Variants in DNAH6 observed in about 807,000 individuals in gnomAD.
The protein encoded by DNAH6 is axonemal beta dynein heavy chain 6.
A neutral mutation model predicts 491.4 loss-of-function variants in DNAH6; 340 were observed. The ratio of observed to expected loss-of-function variants is 0.69; its 90% CI spans 0.63 to 0.76. The LOEUF (loss-of-function observed/expected upper bound fraction) is 0.76, where lower values mean the gene tolerates loss of function less well. DNAH6 is among the 30% of genes least tolerant of loss of function. The pLI is 0.00. For missense variants in DNAH6, 4,443 were observed against 4,972.2 expected (o/e 0.89, Z 3.20); for synonymous variants, 1,603 against 1,686.1 (o/e 0.95, Z 1.21).
intron 60 of DNAH6, among the ~76,000 whole-genome samples, chr2:84,724,886 C>A (rs1408708340): frequency 2.0e-5 from 3 of 152,240 alleles, no homozygotes; most frequent in Admixed American, 6.5e-5. Flanking sequence ...GTTGGTCAAT[C>A]AAATCACTAG....
Position 84,525,748 on chromosome 2 carries a change from T to G in DNAH6, c.399+10T>G, listed in dbSNP as rs1157551732. On this transcript the variant is annotated intron_variant, in intron 3 of 76. Coordinates refer to ENST00000389394, the MANE Select transcript of DNAH6 (RefSeq NM_001370.2). Reference sequence around the variant, plus strand: ...TGTGAAAAAAATGCAGGTATAATATTAAAATACTTAATTGATTCTTTTAAC... The same window carrying G: ...TGTGAAAAAAATGCAGGTATAATATGAAAATACTTAATTGATTCTTTTAAC... The G allele has an allele frequency of 6.6e-7, 1 of 1,519,144 alleles. No individual in the cohort carries two copies. The highest frequency in any genetic ancestry group is 8.9e-7 in the Non-Finnish European group (1 of 1,129,220). The allele number at this position is 1,519,144 out of a possible 1,614,324, so 94.1% of individuals were successfully genotyped here.
intron 64 of DNAH6, among the ~76,000 whole-genome samples, chr2:84,763,604 G>A (rs1260150627): frequency 6.6e-6 from 1 of 152,066 alleles, no homozygotes; most frequent in Non-Finnish European, 1.5e-5. Context: ...TCATGGAGTG[G>A]CTGGTCTGGC....
intron 63 of DNAH6, among the ~76,000 whole-genome samples, chr2:84,758,504 T>C (rs1281237085): frequency 6.6e-6 from 1 of 152,014 alleles, no homozygotes; most frequent in Non-Finnish European, 1.5e-5. Flanking sequence ...CCCTGATAAA[T>C]ATAGACTCAA....
rs1672845797 is a variant in DNAH6 at position 84,745,153 on chromosome 2, G to A, written c.10416G>A (p.Met3472Ile). 1 of 1,549,790 alleles carries A rather than the reference G, an allele frequency of 6.5e-7. No homozygotes were observed. The highest frequency in any genetic ancestry group is 8.7e-7 in the Non-Finnish European group (1 of 1,145,948). Residue 3472 changes from methionine (M) to isoleucine (I), a missense_variant, in exon 63 of 77, where the codon ATG becomes ATA. Around this residue, in one of 3 missense-constraint regions of DNAH6, gnomAD observed 1,463 missense variants for 1,656.6 expected, o/e 0.88. Coordinates refer to ENST00000389394, the MANE Select transcript of DNAH6 (RefSeq NM_001370.2). ...YSKMKHEDKHMRQEKEAAHQD... is the reference protein window; with the variant it reads ...YSKMKHEDKHIRQEKEAAHQD... ...AAATGAAACACGAAGATAAACACATGAGACAGGAAAAGGAGGCAGCACACC... is the reference window on the plus strand; with the variant it reads ...AAATGAAACACGAAGATAAACACATAAGACAGGAAAAGGAGGCAGCACACC...
chr2:84,777,583 T>C lies in DNAH6; in HGVS notation c.10704-3910T>C, dbSNP rs1676263306. The C allele has an allele frequency of 5.0e-6, 4 of 792,802 alleles. No homozygotes were observed. The Admixed American group carries it at 6.8e-5, about 14-fold the overall frequency. The allele number at this position is 792,802 out of a possible 1,614,324, so 49.1% of individuals were successfully genotyped here. ...GAACCTCTTTCCACTGTTACTTATCTGTATCAGTCCCTAAATCTGGGTGCA... is the reference window on the plus strand; with the variant it reads ...GAACCTCTTTCCACTGTTACTTATCCGTATCAGTCCCTAAATCTGGGTGCA... On this transcript the variant is annotated intron_variant, in intron 64 of 76. Transcript: ENST00000389394.
chr2:84,775,482 T>C (rs1676034177), intron 64 of DNAH6, among the ~76,000 whole-genome samples: 1 of 152,166 alleles, frequency 6.6e-6, no homozygotes, highest in South Asian at 2.1e-4. Flanking sequence ...ATTTTTGTTG[T>C]GTCTGTGCCA....
intron 68 of DNAH6, among the ~76,000 whole-genome samples, chr2:84,792,876 CAG>C (rs1350954925): frequency 1.3e-5 from 2 of 152,108 alleles, no homozygotes; most frequent in Non-Finnish European, 2.9e-5. Context: ...AGAGAATAAA[CAG>C]AGAAACATTT....
At chr2:84,687,859 A>C (rs1389740978) in intron 44 of DNAH6, among the ~76,000 whole-genome samples, 1 of 152,220 alleles carries the variant, frequency 6.6e-6, no homozygotes, top group African/African-American at 2.4e-5. Context: ...TAGTTCTGGC[A>C]TGATTTTTTA....
At position 84,627,128 on chromosome 2, in the gene DNAH6, C is replaced by A. The variant is rs1483373474; in HGVS notation, c.4515+2065C>A. ...ATCACCTGACAACTTGTTGGAAATGCAAATTATAAAGCCCCACCTCAGACC... is the reference window on the plus strand; with the variant it reads ...ATCACCTGACAACTTGTTGGAAATGAAAATTATAAAGCCCCACCTCAGACC... On this transcript the variant is annotated intron_variant, in intron 29 of 76. Coordinates refer to ENST00000389394, the MANE Select transcript of DNAH6 (RefSeq NM_001370.2). 2.0e-5 allele frequency among the ~76,000 whole-genome samples: 3 copies of A among 152,128 alleles called. No individual in the cohort carries two copies. In the East Asian group the frequency reaches 5.8e-4, roughly 29 times the overall value.
chr2:84,811,311 A>T (rs1184094325), intron 72 of DNAH6, among the ~76,000 whole-genome samples: 1 of 152,202 alleles, frequency 6.6e-6, no homozygotes, highest in African/African-American at 2.4e-5. Flanking sequence ...TCTTCCTATT[A>T]TATTTTCCCA....
the DNAH6 span, among the ~76,000 whole-genome samples, chr2:84,463,060 T>G: frequency 6.6e-6 from 1 of 152,278 alleles, no homozygotes; most frequent in Non-Finnish European, 1.5e-5. Flanking sequence ...GTCAGGATAC[T>G]GTGCAGGGGA....
In DNAH6 at chr2:84,548,349, T is replaced by G. The variant is rs902169852; in HGVS notation, c.1248T>G (p.Tyr416Ter). The G allele has an allele frequency of 1.4e-5, 23 of 1,613,854 alleles. No individual in the cohort carries two copies. The highest frequency in any genetic ancestry group is 1.9e-5 in the Non-Finnish European group (23 of 1,179,920). ...ATACACCACATGAGTTGCCCACTTA[T>G]GGAGACTCTGAGAAAATGACATATA... The part of the protein sequence containing the change: ...FINTPHELPT[Y>*]GDSEKMTYTE... Residue 416 changes from tyrosine to a stop codon, truncating the protein, a stop_gained, in exon 8 of 77, where the codon TAT (tyrosine) becomes TAG (stop). Transcript: ENST00000389394. LOFTEE classifies it high-confidence loss of function.
At chr2:84,601,039 CTATAATAATAAT>C (rs1685180147) in intron 18 of DNAH6, among the ~76,000 whole-genome samples, 13 of 142,272 alleles carry the variant, frequency 9.1e-5, no homozygotes, top group African/African-American at 3.3e-4. Flanking sequence ...TATTATTATA[CTATAATAATAAT>C]GTTATTATTA....
chr2:84,656,094 A>G (rs1371433092), intron 35 of DNAH6, among the ~76,000 whole-genome samples: 2 of 152,076 alleles, frequency 1.3e-5, no homozygotes, highest in African/African-American at 4.8e-5. Flanking sequence ...ACTTGGTAAT[A>G]TTCATTTAAG....
chr2:84,576,770 A>C (rs1377707630), intron 12 of DNAH6, among the ~76,000 whole-genome samples: 1 of 152,214 alleles, frequency 6.6e-6, no homozygotes, highest in Non-Finnish European at 1.5e-5. Flanking sequence ...CTTGACCATG[A>C]TGTAGGGTGC....
At chr2:84,702,350 A>G (rs1008125096) in intron 49 of DNAH6, among the ~76,000 whole-genome samples, 2 of 152,222 alleles carry the variant, frequency 1.3e-5, no homozygotes, top group Non-Finnish European at 2.9e-5. Context: ...GTGCTCAGAA[A>G]ATAGAAGCTG....
At chr2:84,495,792 A>C in the DNAH6 span, among the ~76,000 whole-genome samples, 1 of 152,196 alleles carries the variant, frequency 6.6e-6, no homozygotes, top group African/African-American at 2.4e-5. Flanking sequence ...GCAGCCCGTG[A>C]CTTATGCCAA....
chr2:84,710,628 A>G (rs1042147007), intron 56 of DNAH6, among the ~76,000 whole-genome samples: 4 of 152,198 alleles, frequency 2.6e-5, no homozygotes, highest in Admixed American at 6.5e-5. Context: ...TTTTAGTGTT[A>G]AGAGGGCTGG....
chr2:84,623,078 A>G (rs903172607), intron 26 of DNAH6, among the ~76,000 whole-genome samples: 1 of 152,188 alleles, frequency 6.6e-6, no homozygotes, highest in Non-Finnish European at 1.5e-5. Context: ...GTCTTACACC[A>G]TACACAAAAA....
Sources: gnomAD v4.1 joint callset for allele counts (sites outside exome capture counted in the v4.1 genomes callset) on GRCh38, gnomAD v4.1.1 for gene constraint, gnomAD v4.1.1 regional missense constraint, MANE v1.5 for transcripts, NCBI Gene and HGNC (gene_info 2026-07-23, HGNC 2026-07-21) for gene names.